Variants in FANCG observed in about 807,000 individuals in gnomAD.
FANCG encodes FA complementation group G, also known as Fanconi anemia group G protein.
Under a neutral mutation model 73.3 loss-of-function variants are expected in FANCG, and 67 were observed. That is an observed-to-expected ratio of 0.91 (90% CI 0.75 to 1.12). FANCG has a LOEUF of 1.12. Among genes scored for constraint, FANCG ranks in the 50% most tolerant of loss-of-function variants. FANCG has a pLI of 0.00. For missense variants in FANCG, 643 were observed against 735.6 expected (o/e 0.87, Z 1.46); for synonymous variants, 297 against 311.6 (o/e 0.95, Z 0.49).
Position 35,075,716 on chromosome 9 carries a change from A to T in FANCG, c.1182T>A (p.Pro394=). ...PPPSPPGPCM[P]EVFLEAAVAL... Reference sequence around the variant, plus strand: ...CTACCGCTGCCTCCAAAAACACCTCAGGCATACAGGGCCCTGGAGGGGAGG... The same window carrying T: ...CTACCGCTGCCTCCAAAAACACCTCTGGCATACAGGGCCCTGGAGGGGAGG... The change falls in exon 10 of 14, where the codon CCT becomes CCA. Residue 394 remains proline, a synonymous_variant. Transcript: ENST00000378643. 1 of 1,157,892 alleles carries T rather than the reference A, an allele frequency of 8.6e-7. No individual in the cohort carries two copies. 71.7% of individuals were successfully genotyped at this position (1,157,892 alleles called of 1,614,324 possible).
chr9:35,077,509 G>C (rs142068236), intron 4 of FANCG, 110 bp from the exon 5 acceptor site: 35 of 1,377,142 alleles, frequency 2.5e-5, no homozygotes, highest in African/African-American at 5.7e-5. Flanking sequence ...TGATCCTTGA[G>C]GACACAGGCC....
chr9:35,077,155 T>TGG, intron 5 of FANCG, 54 bp from the exon 6 acceptor site: 1 of 1,614,030 alleles, frequency 6.2e-7, no homozygotes, highest in African/African-American at 1.3e-5. Context: ...GGGGTCATGA[T>TGG]GGGGAACAAG....
intron 6 of FANCG, 44 bp from the exon 7 acceptor site, chr9:35,076,914 C>T: frequency 1.2e-6 from 2 of 1,614,194 alleles, no homozygotes; most frequent in Non-Finnish European, 1.7e-6. Flanking sequence ...CCTTACAAAG[C>T]AAAAAGCTAT....
At chr9:35,078,404 T>A in intron 3 of FANCG, 61 bp from the exon 4 acceptor site, 1 of 1,564,470 alleles carries the variant, frequency 6.4e-7, no homozygotes, top group Non-Finnish European at 8.8e-7. Flanking sequence ...TCATCCTCCA[T>A]CTCCCCACAC....
intron 8 of FANCG, 75 bp from the exon 9 acceptor site, chr9:35,076,103 C>A: frequency 1.4e-6 from 2 of 1,400,302 alleles, no homozygotes; most frequent in South Asian, 2.3e-5. Context: ...AATGTTCTCT[C>A]TTAGCTAACA....
At position 35,077,400 on chromosome 9, in the gene FANCG, C is replaced by G. The variant is rs1563986833; in HGVS notation, c.511-1G>C. 6.2e-7 allele frequency: 1 copy of G among 1,614,146 alleles called. No individual in the cohort carries two copies. Among genetic ancestry groups the G allele is most frequent in the Non-Finnish European group, 8.5e-7 (1 of 1,180,020 alleles). ...ACAGCAGATCCTTAGAGGCTCCACTCTGGGGAAAGAAGGACAACCAGAAGC... is the reference window on the plus strand; with the variant it reads ...ACAGCAGATCCTTAGAGGCTCCACTGTGGGGAAAGAAGGACAACCAGAAGC... On this transcript the variant is annotated splice_acceptor_variant, in intron 4 of 13. Coordinates refer to ENST00000378643, the MANE Select transcript of FANCG (RefSeq NM_004629.2). LOFTEE classifies it high-confidence loss of function.
Position 35,075,642 on chromosome 9 carries a change from T to C in FANCG, c.1256A>G (p.Glu419Gly). Reference sequence around the variant, plus strand: ...CAGAGATGATGTGCGGCTGAGCAACTCCTCACATAGAGTCAAGGCATCTTG... The same window carrying C: ...CAGAGATGATGTGCGGCTGAGCAACCCCTCACATAGAGTCAAGGCATCTTG... The part of the protein sequence containing the change: ...RAQDALTLCE[E>G]LLSRTSSLLP... The change falls in exon 10 of 14, where the codon GAG becomes GGG. Residue 419 changes from glutamate (E) to glycine (G), a missense_variant. Transcript: ENST00000378643. 1.2e-6 allele frequency: 2 copies of C among 1,611,524 alleles called. No homozygotes were observed. Among genetic ancestry groups the C allele is most frequent in the East Asian group, 2.2e-5 (1 of 44,726 alleles).
In FANCG at chr9:35,079,834, C is replaced by A. The variant is rs1587145471; in HGVS notation, c.-310G>T. On this transcript the variant is annotated 5_prime_UTR_variant, in exon 1 of 14. Coordinates refer to ENST00000378643, the MANE Select transcript of FANCG (RefSeq NM_004629.2). Reference sequence around the variant, plus strand: ...CGGGGAGGAAACGAGTCAGCAACCCCAAACAGGCTTAGGCGGGCTAGAAGC... The same window carrying A: ...CGGGGAGGAAACGAGTCAGCAACCCAAAACAGGCTTAGGCGGGCTAGAAGC... The A allele has an allele frequency of 2.1e-6, 1 of 480,066 alleles. No individual in the cohort carries two copies. Among genetic ancestry groups the A allele is most frequent in the East Asian group, 3.7e-5 (1 of 27,228 alleles). 29.7% of individuals were successfully genotyped at this position (480,066 alleles called of 1,614,324 possible). A position where few individuals can be genotyped will look rare whatever the true frequency, so the allele number is the denominator to read the frequency against.
Position 35,075,761 on chromosome 9 carries a change from T to C in FANCG, c.1144-7A>G. The C allele has an allele frequency of 2.3e-6, 3 of 1,315,310 alleles. No individual in the cohort carries two copies. Among genetic ancestry groups the C allele is most frequent in the African/African-American group, 1.5e-5 (1 of 68,216 alleles). 81.5% of individuals were successfully genotyped at this position (1,315,310 alleles called of 1,614,324 possible). ...GGGAGGGGGGTGGGGAGAACTGGAG[T>C]GGGAAGAAGAAGCAGTGTCTTGAAA... On this transcript the variant is annotated splice_polypyrimidine_tract_variant and splice_region_variant and intron_variant, in intron 9 of 13. Coordinates refer to ENST00000378643, the MANE Select transcript of FANCG (RefSeq NM_004629.2).
At chr9:35,078,018 A>C in intron 4 of FANCG, 123 bp downstream of exon 4, 1 of 915,274 alleles carries the variant, frequency 1.1e-6, no homozygotes, top group South Asian at 1.3e-5. Context: ...CCCAGAGAGA[A>C]TCCAGGTTTT....
chr9:35,074,940 C>T lies in FANCG; in HGVS notation c.1623G>A (p.Val541=), dbSNP rs2131052825. The change falls in exon 12 of 14, where the codon GTG becomes GTA. Residue 541 remains valine (V), a synonymous_variant. Transcript: ENST00000378643. ...AAGTATACATACCTGGGCACATCTG[C>T]ACACTGAGGAGGAAGTCCTGTAAGG... ...TKALQDFLLS[V]QMCPGNRDTY... is the part of the protein sequence containing the mutation. The T allele has an allele frequency of 6.2e-7, 1 of 1,614,232 alleles. No individual in the cohort carries two copies. The highest frequency in any genetic ancestry group is 8.5e-7 in the Non-Finnish European group (1 of 1,180,050).
rs56040607 is a variant in FANCG at position 35,078,899 on chromosome 9, CAG to C, written c.176-165_176-164del. On this transcript the variant is annotated intron_variant, in intron 2 of 13. Transcript: ENST00000378643. Reference sequence around the variant, plus strand: ...TTAAAAAAAGAACCCAACCTTTGGACAGAGAGTCTGGAAAGGGCAAAAAAGTT... The same window carrying C: ...TTAAAAAAAGAACCCAACCTTTGGACAGAGTCTGGAAAGGGCAAAAAAGTT... Among the ~76,000 whole-genome samples, 14 of 152,320 alleles carry C rather than the reference CAG, an allele frequency of 9.2e-5. No homozygotes were observed. The East Asian group carries it at 1.3e-3, about 15-fold the overall frequency.
chr9:35,077,354 G>C lies in FANCG; in HGVS notation c.556C>G (p.Pro186Ala). The change falls in exon 5 of 14, where the codon CCC (proline) becomes GCC (alanine). Residue 186 changes from proline (P) to alanine (A), a missense_variant. Transcript: ENST00000378643. ...GGAGCATCTAATTCCTCAGCTGGGGGACTCCAAGTTTTCAGAAGTAACAGC... is the reference window on the plus strand; with the variant it reads ...GGAGCATCTAATTCCTCAGCTGGGGCACTCCAAGTTTTCAGAAGTAACAGC... ...DLLLLLKTWS[P>A]PAEELDAPLT... 6.2e-7 allele frequency: 1 copy of C among 1,614,134 alleles called. No homozygotes were observed. The highest frequency in any genetic ancestry group is 1.1e-5 in the South Asian group (1 of 91,080).
At chr9:35,078,030 C>G in intron 4 of FANCG, 111 bp downstream of exon 4, 1 of 1,105,910 alleles carries the variant, frequency 9.0e-7, no homozygotes, top group Non-Finnish European at 1.4e-6. Context: ...CCAGGTTTTC[C>G]GACCACCAAC....
Position 35,074,362 on chromosome 9 carries a change from G to A in FANCG, c.1760+9C>T, listed in dbSNP as rs1231091851. On this transcript the variant is annotated intron_variant, in intron 13 of 13. Transcript: ENST00000378643. ...CCCTCAGCCCCAAGCCAGCAGGCCT[G>A]AGCCTCACCACAGAGCATCTTCATG... 6.2e-7 allele frequency: 1 copy of A among 1,614,078 alleles called. No individual in the cohort carries two copies.
At position 35,074,997 on chromosome 9, in the gene FANCG, C is replaced by T; in HGVS notation, c.1566G>A (p.Leu522=). The T allele has an allele frequency of 6.2e-7, 1 of 1,614,232 alleles. No homozygotes were observed. Among genetic ancestry groups the T allele is most frequent in the Non-Finnish European group, 8.5e-7 (1 of 1,180,042 alleles). ...LRAAALISRG[L]EWVASGQDTK... ...TATCCTGGCCGCTGGCTACCCATTC[C>T]AGTCCACGACTAATTAGGGCGGCTG... is the stretch of plus-strand genomic sequence containing the variant. Residue 522 remains leucine (L), a synonymous_variant, in exon 12 of 14, where the codon CTG becomes CTA. Transcript: ENST00000378643.
At position 35,074,140 on chromosome 9, in the gene FANCG, G is replaced by A. The variant is rs761695914; in HGVS notation, c.1837C>T (p.Arg613Trp). 3.7e-6 allele frequency: 6 copies of A among 1,614,076 alleles called. No individual in the cohort carries two copies. The highest frequency in any genetic ancestry group is 1.3e-5 in the African/African-American group (1 of 74,930). The change falls in exon 14 of 14, where the codon CGG becomes TGG. Residue 613 changes from arginine to tryptophan, a missense_variant. Physicochemically the swap from Arg to Trp is moderately radical, Grantham distance 101. Coordinates refer to ENST00000378643, the MANE Select transcript of FANCG (RefSeq NM_004629.2). ...TCACAAGACTTTGGCAGAGATGTCC[G>A]AAATTCTTCAAGGAAGGCGTCACGA... ...SDRDAFLEEF[R>W]TSLPKSCDL
rs1447816480 is a variant in FANCG at position 35,074,479 on chromosome 9, T to G, written c.1652A>C (p.Tyr551Ser). ...CTTCAGAGTCTGAAGCAGGTGAAAG[T>G]AAGTGTCTCGATTACCTGTAGCCCC... ...VQMCPGNRDT[Y>S]FHLLQTLKRL... Residue 551 changes from tyrosine to serine, a missense_variant, in exon 13 of 14, where the codon TAC (tyrosine) becomes TCC (serine). Tyr to Ser is a moderately radical substitution (Grantham distance 144). Coordinates refer to ENST00000378643, the MANE Select transcript of FANCG (RefSeq NM_004629.2). 1.9e-6 allele frequency: 3 copies of G among 1,613,978 alleles called. No homozygotes were observed. The highest frequency in any genetic ancestry group is 2.2e-5 in the East Asian group (1 of 44,902).
chr9:35,078,876 A>T, intron 2 of FANCG, 140 bp from the exon 3 acceptor site: 4 of 1,246,680 alleles, frequency 3.2e-6, no homozygotes, highest in Non-Finnish European at 4.5e-6. Flanking sequence ...CTAAGGATTT[A>T]AAAAAAGAAC....
Sources: allele counts gnomAD v4.1 joint callset (sites outside exome capture counted in the v4.1 genomes callset), GRCh38; gene constraint gnomAD v4.1.1; transcripts MANE v1.5; gene names NCBI Gene and HGNC (gene_info 2026-07-23, HGNC 2026-07-21).